The following MTF2 variants were observed in gnomAD, a reference collection of about 807,000 sequenced individuals.
The protein encoded by MTF2 is metal-response element-binding transcription factor 2.
A neutral mutation model predicts 79.5 loss-of-function variants in MTF2; 11 were observed. The ratio of observed to expected loss-of-function variants is 0.14; its 90% CI spans 0.09 to 0.23. The LOEUF is 0.23. MTF2 is among the 10% of genes least tolerant of loss of function. MTF2 has a pLI of 1.00. For missense variants in MTF2, 486 were observed against 711.2 expected, an observed-to-expected ratio of 0.68 and a Z score of 3.60; for synonymous variants, 208 against 232.8, an observed-to-expected ratio of 0.89 and a Z score of 0.97.
At chr1:93,103,121 G>T (rs985653512) in intron 1 of MTF2, among the ~76,000 whole-genome samples, 11 of 150,708 alleles carry the variant, frequency 7.3e-5, no homozygotes, top group Non-Finnish European at 1.5e-4. Context: ...GACACAGTGA[G>T]ACTAGCTCAA....
At chr1:93,106,461 A>ATT (rs78128436) in intron 1 of MTF2, among the ~76,000 whole-genome samples, 2 of 140,472 alleles carry the variant, frequency 1.4e-5, no homozygotes, top group Non-Finnish European at 3.1e-5. Flanking sequence ...GGCTTTGGCT[A>ATT]TTTTTTTTTT....
At chr1:93,108,643 ACTATGATGTGG>A (rs1655904884) in intron 1 of MTF2, among the ~76,000 whole-genome samples, 1 of 82,620 alleles carries the variant, frequency 1.2e-5, no homozygotes, top group African/African-American at 5.9e-5. Flanking sequence ...CAGCATTTTT[ACTATGATGTGG>A]CTGGGTGTAG....
chr1:93,118,761 T>G (rs1656352137), intron 7 of MTF2, among the ~76,000 whole-genome samples: 1 of 152,228 alleles, frequency 6.6e-6, no homozygotes, highest in Non-Finnish European at 1.5e-5. Context: ...AGGGCCTTGT[T>G]AAAGACACAA....
intron 6 of MTF2, among the ~76,000 whole-genome samples, chr1:93,116,812 A>G (rs1313672764): frequency 1.3e-5 from 2 of 152,072 alleles, no homozygotes; most frequent in African/African-American, 4.8e-5. Context: ...CCACTGTAAG[A>G]TTATTAATTA....
chr1:93,136,505 C>T (rs1389423845), intron 14 of MTF2, among the ~76,000 whole-genome samples, 165 bp from the exon 15 acceptor site: 1 of 152,036 alleles, frequency 6.6e-6, no homozygotes, highest in East Asian at 1.9e-4. Flanking sequence ...GTAATGAGCC[C>T]AAGTGATAGT....
intron 11 of MTF2, 110 bp downstream of exon 11, chr1:93,129,558 ATTTT>A (rs200494793): frequency 3.4e-3 from 1,492 of 444,814 alleles, no homozygotes; most frequent in South Asian, 6.1e-3. Context: ...AGTTACTCTG[ATTTT>A]TTTTTTTTTT....
At chr1:93,135,251 C>T (rs1375749654) in intron 14 of MTF2, among the ~76,000 whole-genome samples, 4 of 152,172 alleles carry the variant, frequency 2.6e-5, no homozygotes, top group Non-Finnish European at 5.9e-5. Flanking sequence ...GGATTACAGG[C>T]GTGAGCCACT....
intron 9 of MTF2, 96 bp from the exon 10 acceptor site, chr1:93,127,136 C>A: frequency 1.2e-6 from 1 of 804,846 alleles, no homozygotes. Context: ...CCAATCAGTA[C>A]ACTTTTCCTC....
intron 1 of MTF2, among the ~76,000 whole-genome samples, chr1:93,097,168 C>CT (rs1157413222): frequency 6.6e-6 from 1 of 152,066 alleles, no homozygotes; most frequent in African/African-American, 2.4e-5. Flanking sequence ...ATTTTGGAGT[C>CT]TTACGGCATT....
chr1:93,084,490 G>A (rs377297708), intron 1 of MTF2, among the ~76,000 whole-genome samples: 11 of 152,048 alleles, frequency 7.2e-5, no homozygotes, highest in East Asian at 3.8e-4. Context: ...ACTTTTCCAT[G>A]TAAATTTTAG....
chr1:93,122,863 G>GATGATAAAATTT (rs1233818645), intron 9 of MTF2, among the ~76,000 whole-genome samples: 5 of 151,984 alleles, frequency 3.3e-5, no homozygotes, highest in Admixed American at 6.6e-5. Flanking sequence ...ATAATAAAGA[G>GATGATAAAATTT]ATGATAAAAT....
At chr1:93,106,995 G>T (rs183316812) in intron 1 of MTF2, among the ~76,000 whole-genome samples, 1 of 152,124 alleles carries the variant, frequency 6.6e-6, no homozygotes, top group Non-Finnish European at 1.5e-5. Flanking sequence ...CACTGATCTT[G>T]TCAAACATTT....
At chr1:93,097,691 G>C (rs1456124186) in intron 1 of MTF2, among the ~76,000 whole-genome samples, 1 of 152,040 alleles carries the variant, frequency 6.6e-6, no homozygotes, top group African/African-American at 2.4e-5. Flanking sequence ...TCCACCTCCC[G>C]GGTTCGAGCA....
At chr1:93,111,182 T>C (rs1205453804) in intron 3 of MTF2, among the ~76,000 whole-genome samples, 1 of 152,170 alleles carries the variant, frequency 6.6e-6, no homozygotes, top group Non-Finnish European at 1.5e-5. Flanking sequence ...ATTTCTATTA[T>C]TAGAAACCAT....
chr1:93,094,414 G>A (rs1655197760), intron 1 of MTF2, among the ~76,000 whole-genome samples: 1 of 151,984 alleles, frequency 6.6e-6, no homozygotes, highest in Non-Finnish European at 1.5e-5. Context: ...TTTCTTTGTA[G>A]TCTTATTATT....
Position 93,112,849 on chromosome 1 carries a change from G to A in MTF2, c.287-1839G>A, listed in dbSNP as rs1230560034. 3.9e-5 allele frequency among the ~76,000 whole-genome samples: 6 copies of A among 152,290 alleles called. No homozygotes were observed. In the East Asian group the frequency reaches 1.2e-3, roughly 29 times the overall value. ...TTTCACAAGTAAAAGTTAATTCCCA[G>A]CTTTCTCAGGATTGTTTCTTGGGTC... On this transcript the variant is annotated intron_variant, in intron 3 of 14. Coordinates refer to ENST00000370298, the MANE Select transcript of MTF2 (RefSeq NM_007358.4).
chr1:93,099,427 G>A (rs569540194), intron 1 of MTF2, among the ~76,000 whole-genome samples: 1 of 152,200 alleles, frequency 6.6e-6, no homozygotes, highest in Admixed American at 6.5e-5. Flanking sequence ...GAAGATCCTA[G>A]AAACTTTCTG....
chr1:93,120,715 T>TTTTTG (rs769645371), intron 9 of MTF2, 43 bp downstream of exon 9: 6 of 1,581,816 alleles, frequency 3.8e-6, no homozygotes, highest in Middle Eastern at 1.7e-4. Flanking sequence ...CTTGATGTCT[T>TTTTTG]TTTTGTTTTG....
At chr1:93,105,260 CGT>C (rs1655724760) in intron 1 of MTF2, among the ~76,000 whole-genome samples, 1 of 151,516 alleles carries the variant, frequency 6.6e-6, no homozygotes, top group African/African-American at 2.4e-5. Flanking sequence ...AGACATTAAG[CGT>C]GTATAACTTT....
Sources: allele counts gnomAD v4.1 joint callset (sites outside exome capture counted in the v4.1 genomes callset), GRCh38; gene constraint gnomAD v4.1.1; transcripts MANE v1.5; gene names NCBI Gene and HGNC (gene_info 2026-07-23, HGNC 2026-07-21).